Variants in DNAH7 observed in about 807,000 individuals in gnomAD.
DNAH7 encodes the protein axonemal beta dynein heavy chain 7.
In DNAH7, 397 loss-of-function variants were observed where a neutral mutation model predicts 444.6. That is an observed-to-expected ratio of 0.89 (90% CI 0.82 to 0.97). The LOEUF (loss-of-function observed/expected upper bound fraction) is 0.97. DNAH7 is among the 50% of genes least tolerant of loss of function. The pLI is 0.00. For synonymous variants in DNAH7, 1,636 were observed against 1,624.4 expected (o/e 1.01, Z -0.17); for missense variants, 4,902 against 4,800.8 (o/e 1.02, Z -0.62).
chr2:195,919,174 A>G (rs1247754354), intron 24 of DNAH7, among the ~76,000 whole-genome samples: 1 of 150,876 alleles, frequency 6.6e-6, no homozygotes, highest in South Asian at 2.1e-4. Flanking sequence ...CACTTGAACC[A>G]GGGAGTCGGA....
intron 63 of DNAH7, among the ~76,000 whole-genome samples, chr2:195,753,074 G>T (rs1459948312): frequency 6.6e-6 from 1 of 152,178 alleles, no homozygotes; most frequent in African/African-American, 2.4e-5. Context: ...ACTAGTAAGA[G>T]AGAAATAATT....
At position 195,855,924 on chromosome 2, in the gene DNAH7, T is replaced by C. The variant is rs1280557800; in HGVS notation, c.8482A>G (p.Met2828Val). The stretch of plus-strand genomic sequence containing the variant: ...GCCTGCTTCTTTCTAAGACCATCCA[T>C]GGCAATTTTAAGCTCCCCTTCAGCT... Reference protein sequence around the residue: ...AAAEGELKIAMDGLRKKQAAL... With the variant: ...AAAEGELKIAVDGLRKKQAAL... Residue 2828 changes from methionine to valine, a missense_variant, in exon 45 of 65, where the codon ATG (methionine) becomes GTG (valine). Met to Val is a conservative substitution (Grantham distance 21). Transcript: ENST00000312428. 6.8e-6 allele frequency: 11 copies of C among 1,613,930 alleles called. No homozygotes were observed. The South Asian group carries it at 7.7e-5, about 11-fold the overall frequency.
chr2:195,800,559 T>C (rs1258399685), intron 54 of DNAH7, among the ~76,000 whole-genome samples: 5 of 152,168 alleles, frequency 3.3e-5, no homozygotes, highest in Non-Finnish European at 7.3e-5. Context: ...TTAAATGCTA[T>C]ATTAGTAACA....
rs1411959034 is a variant in DNAH7 at position 195,796,611 on chromosome 2, T to C, written c.10480A>G (p.Thr3494Ala). 1 of 1,614,152 alleles carries C rather than the reference T, an allele frequency of 6.2e-7. No individual in the cohort carries two copies. Among genetic ancestry groups the C allele is most frequent in the Non-Finnish European group, 8.5e-7 (1 of 1,180,004 alleles). Reference sequence around the variant, plus strand: ...TTCTCAAGGGTTGGCATCCAAGAGGTGGCAAGGTGACAATTCTGAAGAACA... The same window carrying C: ...TTCTCAAGGGTTGGCATCCAAGAGGCGGCAAGGTGACAATTCTGAAGAACA... The part of the protein sequence containing the change: ...WVVLQNCHLA[T>A]SWMPTLEKVC... Residue 3494 changes from threonine (T) to alanine (A), a missense_variant, in exon 56 of 65, where the codon ACC becomes GCC. Coordinates refer to ENST00000312428, the MANE Select transcript of DNAH7 (RefSeq NM_018897.3).
chr2:195,963,413 T>C (rs1257099142), intron 17 of DNAH7, among the ~76,000 whole-genome samples: 2 of 152,348 alleles, frequency 1.3e-5, no homozygotes, highest in East Asian at 1.9e-4. Context: ...TGTCTTCTTT[T>C]GTGACATGTC....
chr2:195,801,095 C>G (rs1297817775), intron 54 of DNAH7, among the ~76,000 whole-genome samples: 1 of 152,148 alleles, frequency 6.6e-6, no homozygotes. Flanking sequence ...AAAGCCCTCA[C>G]CAGAAGCCAA....
chr2:195,939,578 CTTCT>C (rs1190647687), intron 19 of DNAH7, among the ~76,000 whole-genome samples: 1 of 152,048 alleles, frequency 6.6e-6, no homozygotes, highest in Non-Finnish European at 1.5e-5. Flanking sequence ...CTTAGTATGA[CTTCT>C]TTGACACTTT....
intron 12 of DNAH7, chr2:195,998,847 A>T (rs931039033): frequency 2.6e-6 from 1 of 388,854 alleles, no homozygotes; most frequent in Non-Finnish European, 4.6e-6. Flanking sequence ...TGCCAGGATA[A>T]TAAAGCTGAC....
intron 9 of DNAH7, among the ~76,000 whole-genome samples, chr2:196,015,301 G>A (rs1694949369): frequency 6.6e-6 from 1 of 151,858 alleles, no homozygotes; most frequent in African/African-American, 2.4e-5. Flanking sequence ...TTTTTAACAT[G>A]TTTAAAAATG....
At chr2:195,975,761 C>T (rs952785835) in intron 15 of DNAH7, among the ~76,000 whole-genome samples, 1 of 152,114 alleles carries the variant, frequency 6.6e-6, no homozygotes, top group Non-Finnish European at 1.5e-5. Context: ...AGTAGTGAGG[C>T]CCCCATCTTA....
chr2:195,780,815 G>T (rs891901085), intron 58 of DNAH7, among the ~76,000 whole-genome samples: 1 of 151,904 alleles, frequency 6.6e-6, no homozygotes, highest in Non-Finnish European at 1.5e-5. Flanking sequence ...AATCTCTTGA[G>T]AATTTTTTCA....
intron 59 of DNAH7, among the ~76,000 whole-genome samples, chr2:195,776,421 C>A (rs564200805): frequency 2.4e-4 from 36 of 147,150 alleles, no homozygotes; most frequent in African/African-American, 8.3e-4. Flanking sequence ...CCAGCCTGGG[C>A]GAGAAGAGTG....
chr2:195,916,197 A>G (rs1022072092), intron 24 of DNAH7, among the ~76,000 whole-genome samples: 1 of 152,234 alleles, frequency 6.6e-6, no homozygotes, highest in Non-Finnish European at 1.5e-5. Flanking sequence ...ATAAGACATC[A>G]TCAAAGAAAA....
intron 44 of DNAH7, 59 bp from the exon 45 acceptor site, chr2:195,856,050 T>C (rs1445517569): frequency 1.3e-6 from 2 of 1,488,978 alleles, no homozygotes; most frequent in Non-Finnish European, 1.8e-6. Flanking sequence ...ACACTTTCTA[T>C]CACTGAATTT....
At chr2:195,978,414 C>G (rs939718377) in intron 15 of DNAH7, among the ~76,000 whole-genome samples, 1 of 151,288 alleles carries the variant, frequency 6.6e-6, no homozygotes, top group Non-Finnish European at 1.5e-5. Context: ...ATACAGAAAA[C>G]GAAAAGCAGG....
chr2:195,912,719 G>C (rs892455254), intron 24 of DNAH7, among the ~76,000 whole-genome samples: 1 of 152,230 alleles, frequency 6.6e-6, no homozygotes, highest in African/African-American at 2.4e-5. Flanking sequence ...ACAGCCAAGA[G>C]ATAGTTGTCA....
intron 23 of DNAH7, 120 bp from the exon 24 acceptor site, chr2:195,922,317 C>T: frequency 1.7e-6 from 1 of 600,856 alleles, no homozygotes; most frequent in Non-Finnish European, 3.0e-6. Context: ...TTTCAGGTGT[C>T]ATTTGATTCC....
intron 34 of DNAH7, 127 bp from the exon 35 acceptor site, chr2:195,884,936 T>C (rs1574663157): frequency 5.7e-6 from 4 of 696,876 alleles, no homozygotes; most frequent in Admixed American, 3.1e-5. Flanking sequence ...AATATATTAG[T>C]AGGTCATCTC....
chr2:196,020,572 TTG>T (rs1553606524), intron 8 of DNAH7, among the ~76,000 whole-genome samples: 1 of 151,580 alleles, frequency 6.6e-6, no homozygotes, highest in African/African-American at 2.4e-5. Flanking sequence ...ATAACTTTTT[TTG>T]TGTGTGTGTG....
Sources: allele counts gnomAD v4.1 joint callset (sites outside exome capture counted in the v4.1 genomes callset), GRCh38; gene constraint gnomAD v4.1.1; transcripts MANE v1.5; gene names NCBI Gene and HGNC (gene_info 2026-07-23, HGNC 2026-07-21).